Variants in CNTN6 observed in about 807,000 individuals in gnomAD.
CNTN6 encodes contactin 6.
CNTN6 carries 137 observed loss-of-function variants against 122.8 expected under a neutral mutation model. That is an observed-to-expected ratio of 1.12 (90% confidence interval 0.97 to 1.29). The LOEUF is 1.29. Among genes scored for constraint, CNTN6 ranks in the 50% most tolerant of loss-of-function variants. The pLI is 0.00. For synonymous variants in CNTN6, 570 were observed against 426.0 expected, an observed-to-expected ratio of 1.34 and a Z score of -4.16; for missense variants, 1,634 against 1,223.4, an observed-to-expected ratio of 1.34 and a Z score of -5.01.
At chr3:1,402,727 G>C (rs1039489387) in intron 22 of CNTN6, 1 of 383,022 alleles carries the variant, frequency 2.6e-6, no homozygotes, top group African/African-American at 2.1e-5. Flanking sequence ...AAAAATCTTT[G>C]TGTCATTAGA....
rs1388024830 is a variant in CNTN6, at chr3:1,326,969, C to G, written c.1084-488C>G. On this transcript the variant is annotated intron_variant, in intron 9 of 22. Coordinates refer to ENST00000446702, the MANE Select transcript of CNTN6 (RefSeq NM_001289080.2). ...AACAGATTTTGGCTGTTTAGGCACACTTTATAGTAGTTTGTAGAAAGGAAG... is the reference window on the plus strand; with the variant it reads ...AACAGATTTTGGCTGTTTAGGCACAGTTTATAGTAGTTTGTAGAAAGGAAG... Among the ~76,000 whole-genome samples, 4 of 151,890 alleles carry G rather than the reference C, an allele frequency of 2.6e-5. No homozygotes were observed. The South Asian group carries it at 6.2e-4, about 24-fold the overall frequency.
rs192712685 is a variant in CNTN6 at position 1,110,136 on chromosome 3, G to A, written c.-83+17016G>A. 2.0e-3 allele frequency among the ~76,000 whole-genome samples: 297 copies of A among 151,048 alleles called. 1 individual carries two copies. Among genetic ancestry groups the A allele is most frequent in the African/African-American group, 6.6e-3 (266 of 40,452 alleles). ...TTTTCACATCTGATATTTACATCAG[G>A]TGCATTCAAAAGGCAGTGAACCAAG... On this transcript the variant is annotated intron_variant, in intron 1 of 22. Transcript: ENST00000446702.
At chr3:1,278,688 G>A (rs925903386) in intron 5 of CNTN6, among the ~76,000 whole-genome samples, 180 bp downstream of exon 5, 4 of 152,122 alleles carry the variant, frequency 2.6e-5, no homozygotes, top group African/African-American at 4.8e-5. Flanking sequence ...AAAAATATTC[G>A]TTCAAGCAGC....
At chr3:1,393,455 C>A (rs1203923043) in intron 20 of CNTN6, among the ~76,000 whole-genome samples, 1 of 138,704 alleles carries the variant, frequency 7.2e-6, no homozygotes, top group Non-Finnish European at 1.5e-5. Context: ...ATACCTAATG[C>A]TAGATGACGA....
At chr3:1,111,927 T>C (rs914941552) in intron 1 of CNTN6, among the ~76,000 whole-genome samples, 1 of 152,126 alleles carries the variant, frequency 6.6e-6, no homozygotes, top group African/African-American at 2.4e-5. Flanking sequence ...TATATACATA[T>C]TATATTTTTA....
chr3:1,232,630 C>T (rs939895524), intron 4 of CNTN6, among the ~76,000 whole-genome samples: 4 of 152,148 alleles, frequency 2.6e-5, no homozygotes, highest in Admixed American at 2.0e-4. Flanking sequence ...AATGAACTAG[C>T]CTGCCTAAAA....
Position 1,392,768 on chromosome 3 carries a change from AAAG to A in CNTN6, c.2704+6976_2704+6978del, listed in dbSNP as rs1370313245. Reference sequence around the variant, plus strand: ...GAAGGACATGAACAGACACTTCTCAAAAGAAGACATTTATGCAGCCAAAAAACA... The same window carrying A: ...GAAGGACATGAACAGACACTTCTCAAAAGACATTTATGCAGCCAAAAAACA... On this transcript the variant is annotated intron_variant, in intron 20 of 22. Coordinates refer to ENST00000446702, the MANE Select transcript of CNTN6 (RefSeq NM_001289080.2). Among the ~76,000 whole-genome samples, 35 of 142,262 alleles carry A rather than the reference AAAG, an allele frequency of 2.5e-4. 3 individuals carry two copies. Among genetic ancestry groups the A allele is most frequent in the Non-Finnish European group, 4.1e-4 (26 of 64,098 alleles). 93.3% of individuals were successfully genotyped at this position (142,262 alleles called of 152,430 possible). A position where few individuals can be genotyped will look rare whatever the true frequency, so the allele number is the denominator to read the frequency against.
chr3:1,377,132 G>A lies in CNTN6; in HGVS notation c.2166+57G>A, dbSNP rs1461443842. The A allele has an allele frequency of 3.1e-5, 38 of 1,222,030 alleles. 1 individual carries two copies. The Middle Eastern group carries it at 5.8e-4, about 19-fold the overall frequency. 75.7% of individuals were successfully genotyped at this position (1,222,030 alleles called of 1,614,324 possible). ...GAAAAGAGATTTAACTGGCCAGAAAGAAACTGAAAAACAAAAAGATTTATT... is the reference window on the plus strand; with the variant it reads ...GAAAAGAGATTTAACTGGCCAGAAAAAAACTGAAAAACAAAAAGATTTATT... On this transcript the variant is annotated intron_variant, in intron 17 of 22. Transcript: ENST00000446702.
chr3:1,276,210 C>G (rs764671190), intron 4 of CNTN6, among the ~76,000 whole-genome samples: 4 of 152,098 alleles, frequency 2.6e-5, no homozygotes, highest in Non-Finnish European at 5.9e-5. Flanking sequence ...AAAATTCATT[C>G]TGTAACTTTA....
chr3:1,157,321 G>T (rs1373100112), intron 2 of CNTN6, among the ~76,000 whole-genome samples: 1 of 151,934 alleles, frequency 6.6e-6, no homozygotes, highest in Non-Finnish European at 1.5e-5. Flanking sequence ...AGGTTCAAGC[G>T]TTTCTCCTGC....
intron 2 of CNTN6, among the ~76,000 whole-genome samples, chr3:1,164,756 C>T (rs570638064): frequency 6.6e-6 from 1 of 152,294 alleles, no homozygotes; most frequent in African/African-American, 2.4e-5. Context: ...GGCAGCAGTT[C>T]CTGCTTACCA....
intron 4 of CNTN6, among the ~76,000 whole-genome samples, chr3:1,263,251 A>G (rs563978700): frequency 2.6e-4 from 40 of 152,312 alleles, no homozygotes; most frequent in African/African-American, 9.6e-4. Context: ...ACTTCATTCA[A>G]GCACAGATTT....
At chr3:1,324,972 A>G (rs1194483882) in intron 8 of CNTN6, among the ~76,000 whole-genome samples, 1 of 151,620 alleles carries the variant, frequency 6.6e-6, no homozygotes, top group African/African-American at 2.4e-5. Flanking sequence ...GGGAAGCGTC[A>G]TATACTTCTG....
At chr3:1,370,847 CAAAAAT>C (rs1364781568) in intron 12 of CNTN6, among the ~76,000 whole-genome samples, 4 of 151,376 alleles carry the variant, frequency 2.6e-5, no homozygotes. Context: ...GACTCCATCT[CAAAAAT>C]AATAATAACA....
At position 1,295,761 on chromosome 3, in the gene CNTN6, A is replaced by C; in HGVS notation, c.615A>C (p.Arg205Ser). ...TTATAACTAACAAAGAGGCCCAGAG[A>C]AGTGTTCAAGGTCCACCCACTCCAT... ...TCFITNKEAQ[R>S]SVQGPPTPLV... The change falls in exon 6 of 23, where the codon AGA (arginine) becomes AGC (serine). Residue 205 changes from arginine to serine, a missense_variant. Arg to Ser is a moderately radical substitution (Grantham distance 110, BLOSUM62 -1). Transcript: ENST00000446702. 2 of 1,614,044 alleles carry C rather than the reference A, an allele frequency of 1.2e-6. No individual in the cohort carries two copies. Among genetic ancestry groups the C allele is most frequent in the Non-Finnish European group, 1.7e-6 (2 of 1,179,906 alleles).
At chr3:1,292,013 C>T (rs527669570) in intron 5 of CNTN6, among the ~76,000 whole-genome samples, 1 of 152,102 alleles carries the variant, frequency 6.6e-6, no homozygotes, top group South Asian at 2.1e-4. Context: ...GGTTTAACCC[C>T]CATCCATCGT....
At chr3:1,317,278 A>C (rs1700225285) in intron 7 of CNTN6, among the ~76,000 whole-genome samples, 2 of 151,764 alleles carry the variant, frequency 1.3e-5, no homozygotes, top group Non-Finnish European at 2.9e-5. Flanking sequence ...TAGAGCACAC[A>C]CTATAATAGC....
intron 1 of CNTN6, among the ~76,000 whole-genome samples, chr3:1,098,258 T>TA (rs72483697): frequency 3.3e-5 from 5 of 150,620 alleles, no homozygotes; most frequent in Admixed American, 2.6e-4. Flanking sequence ...AAAATAAAAA[T>TA]AAAAAAAAGA....
chr3:1,121,401 C>T lies in CNTN6; in HGVS notation c.-82-26526C>T, dbSNP rs1168305902. ...TATAAGGTCTTTGTGTTATGAAGCT[C>T]ATGTTGCAAGATGGATATTGAGTAG... is the stretch of plus-strand genomic sequence containing the variant. On this transcript the variant is annotated intron_variant, in intron 1 of 22. Coordinates refer to ENST00000446702, the MANE Select transcript of CNTN6 (RefSeq NM_001289080.2). 3.3e-5 allele frequency among the ~76,000 whole-genome samples: 5 copies of T among 151,934 alleles called. No individual in the cohort carries two copies. The East Asian group carries it at 9.7e-4, about 29-fold the overall frequency.
Sources: gnomAD v4.1 joint callset for allele counts (sites outside exome capture counted in the v4.1 genomes callset) on GRCh38, gnomAD v4.1.1 for gene constraint, MANE v1.5 for transcripts, NCBI Gene and HGNC (gene_info 2026-07-23, HGNC 2026-07-21) for gene names.